The following NFIA variants were observed in gnomAD, a reference collection of about 807,000 sequenced individuals.
NFIA encodes the protein nuclear factor 1 A-type.
Under a neutral mutation model 62.8 loss-of-function variants are expected in NFIA, and 8 were observed. That is an observed-to-expected ratio of 0.13 (90% CI 0.07 to 0.23). The LOEUF is 0.23. Ranked by LOEUF, NFIA falls within the 10% of genes least tolerant of loss-of-function variation. The pLI, the probability that NFIA is intolerant of heterozygous loss-of-function variation, is 1.00. For synonymous variants in NFIA, 235 were observed against 238.1 expected (o/e 0.99, Z 0.12); for missense variants, 410 against 642.1 (o/e 0.64, Z 3.91).
Position 61,396,894 on chromosome 1 carries a change from C to T in NFIA, c.1076-7210C>T, listed in dbSNP as rs144730466. ...GTAGGCACCTGTAGTCCCAGCTACT[C>T]GGGAGGCTAAGGCAGGAGAATTGCT... On this transcript the variant is annotated intron_variant, in intron 7 of 10. Transcript: ENST00000403491. Among the ~76,000 whole-genome samples the T allele has an allele frequency of 4.2e-3, 643 of 151,922 alleles. 3 individuals are homozygous for T. Among genetic ancestry groups the T allele is most frequent in the African/African-American group, 0.015 (617 of 41,416 alleles).
At chr1:61,355,429 C>G (rs118156978) in intron 5 of NFIA, among the ~76,000 whole-genome samples, 1 of 152,060 alleles carries the variant, frequency 6.6e-6, no homozygotes, top group Non-Finnish European at 1.5e-5. Context: ...AATTGGGATA[C>G]GATACATTTT....
At chr1:61,120,173 T>C (rs1646865406) in intron 2 of NFIA, among the ~76,000 whole-genome samples, 4 of 152,222 alleles carry the variant, frequency 2.6e-5, no homozygotes, top group Admixed American at 1.3e-4. Flanking sequence ...CTCTGTAATA[T>C]TTGTAATTAT....
chr1:61,429,231 T>C (rs189675979), intron 10 of NFIA, among the ~76,000 whole-genome samples: 1 of 152,228 alleles, frequency 6.6e-6, no homozygotes, highest in African/African-American at 2.4e-5. Context: ...GCATTTTCTA[T>C]GTACTAAATC....
At chr1:61,379,157 C>A (rs934551785) in intron 6 of NFIA, among the ~76,000 whole-genome samples, 1 of 152,134 alleles carries the variant, frequency 6.6e-6, no homozygotes, top group Non-Finnish European at 1.5e-5. Flanking sequence ...GTATCTCACA[C>A]ATGCAAGAGG....
At chr1:61,164,757 G>C (rs924803179) in intron 2 of NFIA, among the ~76,000 whole-genome samples, 1 of 152,192 alleles carries the variant, frequency 6.6e-6, no homozygotes, top group Non-Finnish European at 1.5e-5. Context: ...ACCACGTCCA[G>C]CCAAATGTCT....
At chr1:61,139,921 G>A (rs1647380356) in intron 2 of NFIA, among the ~76,000 whole-genome samples, 1 of 151,234 alleles carries the variant, frequency 6.6e-6, no homozygotes, top group Admixed American at 6.6e-5. Context: ...CTGCTAATGG[G>A]TCAAATTAGC....
rs1668304733 is a variant in NFIA, at chr1:61,456,440, G to A, written c.*1120G>A. 6.6e-6 allele frequency: 1 copy of A among 150,724 alleles called. No individual in the cohort carries two copies. Among genetic ancestry groups the A allele is most frequent in the Admixed American group, 6.6e-5 (1 of 15,110 alleles). 9.3% of individuals were successfully genotyped at this position (150,724 alleles called of 1,614,324 possible). On this transcript the variant is annotated 3_prime_UTR_variant, in exon 11 of 11. Transcript: ENST00000403491. ...CCACAATATGTTAACTACATTAAAT[G>A]CTAATTAATTATTTTCTGTTATCAA... is the stretch of plus-strand genomic sequence containing the variant.
chr1:61,414,384 T>C (rs1206741399), intron 9 of NFIA, among the ~76,000 whole-genome samples: 1 of 152,214 alleles, frequency 6.6e-6, no homozygotes, highest in Non-Finnish European at 1.5e-5. Context: ...AGACAAGGTA[T>C]GGAAAGATAA....
At chr1:61,382,714 T>C (rs962421215) in intron 6 of NFIA, among the ~76,000 whole-genome samples, 4 of 152,242 alleles carry the variant, frequency 2.6e-5, no homozygotes, top group African/African-American at 9.6e-5. Context: ...TTTTTTACTT[T>C]TCTTTTTTCT....
intron 2 of NFIA, among the ~76,000 whole-genome samples, chr1:61,102,881 C>G (rs1646536192): frequency 1.3e-5 from 2 of 152,096 alleles, no homozygotes; most frequent in Admixed American, 6.5e-5. Flanking sequence ...AGCCTCAGAT[C>G]TTTGATTCCT....
chr1:61,279,444 C>T (rs1236728065), intron 3 of NFIA, among the ~76,000 whole-genome samples: 2 of 149,844 alleles, frequency 1.3e-5, no homozygotes, highest in East Asian at 3.9e-4. Flanking sequence ...TTTTTAGTGT[C>T]ATATACAGCT....
intron 3 of NFIA, among the ~76,000 whole-genome samples, chr1:61,286,295 G>T (rs1438557462): frequency 1.3e-5 from 2 of 151,860 alleles, no homozygotes; most frequent in East Asian, 3.9e-4. Context: ...GGGTGTGGTT[G>T]CAGGCGCCTG....
intron 2 of NFIA, among the ~76,000 whole-genome samples, chr1:61,205,475 T>C (rs190716224): frequency 1.3e-5 from 2 of 152,292 alleles, no homozygotes; most frequent in Non-Finnish European, 2.9e-5. Context: ...ATCGAGCAAA[T>C]CTGGTGCTCC....
intron 2 of NFIA, among the ~76,000 whole-genome samples, chr1:61,139,313 TA>T (rs1489704231): frequency 1.3e-5 from 2 of 152,224 alleles, no homozygotes; most frequent in Non-Finnish European, 2.9e-5. Context: ...ACTCCCCATG[TA>T]GATCCCATTA....
At chr1:61,284,579 G>C (rs1658363915) in intron 3 of NFIA, among the ~76,000 whole-genome samples, 1 of 152,008 alleles carries the variant, frequency 6.6e-6, no homozygotes, top group Admixed American at 6.6e-5. Flanking sequence ...TGGGGGGTGT[G>C]GGGGGAGATT....
chr1:61,359,866 T>C (rs1389377318), intron 6 of NFIA, among the ~76,000 whole-genome samples: 3 of 152,164 alleles, frequency 2.0e-5, no homozygotes, highest in Non-Finnish European at 4.4e-5. Context: ...CTCCTGACCT[T>C]GTGATTCACC....
At chr1:61,142,238 G>C (rs1647588437) in intron 2 of NFIA, among the ~76,000 whole-genome samples, 1 of 152,108 alleles carries the variant, frequency 6.6e-6, no homozygotes, top group Admixed American at 6.5e-5. Flanking sequence ...TTTCAAATGA[G>C]AAATTATGTT....
intron 2 of NFIA, among the ~76,000 whole-genome samples, chr1:61,264,813 T>C (rs552659541): frequency 2.0e-5 from 3 of 152,204 alleles, no homozygotes; most frequent in African/African-American, 7.2e-5. Context: ...ATGGAAAATA[T>C]TTTTATCTCC....
intron 2 of NFIA, among the ~76,000 whole-genome samples, chr1:61,140,938 G>T (rs927648983): frequency 1.4e-5 from 2 of 144,098 alleles, no homozygotes; most frequent in African/African-American, 5.1e-5. Context: ...TGGTGCTGTA[G>T]TTGGGCTGTG....
Sources: allele counts gnomAD v4.1 joint callset (sites outside exome capture counted in the v4.1 genomes callset), GRCh38; gene constraint gnomAD v4.1.1; transcripts MANE v1.5; gene names NCBI Gene and HGNC (gene_info 2026-07-23, HGNC 2026-07-21).